The following TM9SF4 variants were observed in gnomAD, a reference collection of about 807,000 sequenced individuals.
TM9SF4 encodes the protein dinucleotide oxidase disulfide thiol exchanger 3 superfamily member 4.
TM9SF4 carries 26 observed loss-of-function variants against 90.4 expected under a neutral mutation model. The ratio of observed to expected loss-of-function variants is 0.29; its 90% CI spans 0.21 to 0.40. The LOEUF (loss-of-function observed/expected upper bound fraction) is 0.40, where lower values mean the gene tolerates loss of function less well. Among genes scored for constraint, TM9SF4 ranks in the 10% least tolerant of loss-of-function variants. TM9SF4 has a pLI of 1.00. For missense variants in TM9SF4, 549 were observed against 834.8 expected, an observed-to-expected ratio of 0.66 and a Z score of 4.22; for synonymous variants, 293 against 315.4, an observed-to-expected ratio of 0.93 and a Z score of 0.75.
At chr20:32,126,207 G>A (rs1175574417) in intron 1 of TM9SF4, among the ~76,000 whole-genome samples, 1 of 151,814 alleles carries the variant, frequency 6.6e-6, no homozygotes, top group Non-Finnish European at 1.5e-5. Flanking sequence ...CCCAACACTT[G>A]CTACTCATAG....
At position 32,167,195 on chromosome 20, in the gene TM9SF4, T is replaced by C. The variant is rs1333103046; in HGVS notation, c.*1751T>C. On this transcript the variant is annotated 3_prime_UTR_variant, in exon 18 of 18. Transcript: ENST00000398022. ...AAATCATTATCATTATTATTTTTAA[T>C]TAAAAAAATGCCTGTATGCCTTTTT... is the stretch of plus-strand genomic sequence containing the variant. 6.6e-6 allele frequency: 1 copy of C among 152,216 alleles called. No individual in the cohort carries two copies. The highest frequency in any genetic ancestry group is 2.4e-5 in the African/African-American group (1 of 41,444). The allele number at this position is 152,216 out of a possible 1,614,324, so 9.4% of individuals were successfully genotyped here. A position where few individuals can be genotyped will look rare whatever the true frequency, so the allele number is the denominator to read the frequency against.
chr20:32,158,317 G>A (rs2046961105), intron 14 of TM9SF4, 134 bp from the exon 15 acceptor site: 1 of 910,796 alleles, frequency 1.1e-6, no homozygotes, highest in African/African-American at 1.7e-5. Context: ...GATTATAATA[G>A]TACAGAAATA....
intron 1 of TM9SF4, among the ~76,000 whole-genome samples, chr20:32,110,921 G>A (rs905174467): frequency 6.6e-6 from 1 of 152,196 alleles, no homozygotes; most frequent in Non-Finnish European, 1.5e-5. Flanking sequence ...CCTGCATACT[G>A]CCTCCTCAGC....
Position 32,122,386 on chromosome 20 carries a change from G to A in TM9SF4, c.16-10627G>A, listed in dbSNP as rs1196871246. 1.3e-3 allele frequency among the ~76,000 whole-genome samples: 191 copies of A among 148,832 alleles called. 1 individual carries two copies. The highest frequency in any genetic ancestry group is 4.2e-3 in the African/African-American group (170 of 40,464). On this transcript the variant is annotated intron_variant, in intron 1 of 17. Transcript: ENST00000398022. ...TTCCCAGACGGGGTGGCTGCCGGGCGGAGAGGCTCCTCACTTCTCAGACGG... is the reference window on the plus strand; with the variant it reads ...TTCCCAGACGGGGTGGCTGCCGGGCAGAGAGGCTCCTCACTTCTCAGACGG...
At chr20:32,146,968 A>C in intron 9 of TM9SF4, 113 bp downstream of exon 9, 2 of 1,033,788 alleles carry the variant, frequency 1.9e-6, no homozygotes, top group Non-Finnish European at 2.8e-6. Context: ...AAAATACTAA[A>C]ACAGTTTAGT....
intron 12 of TM9SF4, among the ~76,000 whole-genome samples, chr20:32,154,450 G>T (rs1047461786): frequency 2.0e-5 from 3 of 151,028 alleles, no homozygotes; most frequent in African/African-American, 7.3e-5. Context: ...GGTAGTTAAC[G>T]TGTTCTTTTT....
At chr20:32,133,153 C>T in intron 2 of TM9SF4, 27 bp downstream of exon 2, 1 of 1,606,400 alleles carries the variant, frequency 6.2e-7, no homozygotes, top group South Asian at 1.1e-5. Flanking sequence ...ATTTTTGGAG[C>T]CTCTGTGCTA....
intron 2 of TM9SF4, among the ~76,000 whole-genome samples, chr20:32,133,546 A>G (rs1458957588): frequency 2.0e-5 from 3 of 152,088 alleles, no homozygotes; most frequent in Non-Finnish European, 4.4e-5. Flanking sequence ...TATTGTTCAT[A>G]CATTGTGAAC....
chr20:32,162,518 C>G (rs1490340421), intron 17 of TM9SF4, among the ~76,000 whole-genome samples: 1 of 152,238 alleles, frequency 6.6e-6, no homozygotes, highest in Non-Finnish European at 1.5e-5. Flanking sequence ...TGCTTTCACA[C>G]TACAATGGCA....
At chr20:32,109,815 A>G (rs962245024) in intron 1 of TM9SF4, 60 bp downstream of exon 1, 8 of 1,550,820 alleles carry the variant, frequency 5.2e-6, no homozygotes, top group Non-Finnish European at 7.0e-6. Flanking sequence ...GTATCCCAGG[A>G]TCTTCCAGCA....
chr20:32,121,893 C>G (rs1470338243), intron 1 of TM9SF4, among the ~76,000 whole-genome samples: 2 of 147,628 alleles, frequency 1.4e-5, no homozygotes, highest in Non-Finnish European at 1.5e-5. Flanking sequence ...GACCCCCCCA[C>G]CTCCCTCCCG....
intron 2 of TM9SF4, among the ~76,000 whole-genome samples, chr20:32,134,140 A>G (rs904655965): frequency 2.0e-5 from 3 of 152,058 alleles, no homozygotes; most frequent in African/African-American, 7.2e-5. Context: ...TAACCACTGC[A>G]GTACCTTCTT....
At chr20:32,115,480 T>G (rs1346860809) in intron 1 of TM9SF4, among the ~76,000 whole-genome samples, 2 of 152,182 alleles carry the variant, frequency 1.3e-5, no homozygotes, top group Non-Finnish European at 2.9e-5. Flanking sequence ...TTGCTGACAC[T>G]AGAGTTTCCC....
intron 1 of TM9SF4, among the ~76,000 whole-genome samples, chr20:32,131,481 A>AGTAT (rs2046510983): frequency 6.8e-6 from 1 of 147,556 alleles, no homozygotes; most frequent in African/African-American, 2.5e-5. Flanking sequence ...GAGTCATCAG[A>AGTAT]GTGTGTGTGT....
At chr20:32,146,886 T>C in intron 9 of TM9SF4, 31 bp downstream of exon 9, 1 of 1,606,528 alleles carries the variant, frequency 6.2e-7, no homozygotes, top group Admixed American at 1.7e-5. Flanking sequence ...AGGGATGAAG[T>C]TGGATGGGGA....
chr20:32,115,955 G>A (rs1398827482), intron 1 of TM9SF4, among the ~76,000 whole-genome samples: 4 of 151,776 alleles, frequency 2.6e-5, no homozygotes, highest in Non-Finnish European at 5.9e-5. Context: ...CCAAGTAGCT[G>A]GGACTACAGG....
Position 32,150,857 on chromosome 20 carries a change from G to A in TM9SF4, c.1227G>A (p.Trp409Ter). The A allele has an allele frequency of 6.2e-7, 1 of 1,614,190 alleles. No homozygotes were observed. Among genetic ancestry groups the A allele is most frequent in the Non-Finnish European group, 8.5e-7 (1 of 1,180,044 alleles). Residue 409 changes from tryptophan to a stop codon, truncating the protein, a stop_gained, in exon 12 of 18, where the codon TGG becomes TGA. Transcript: ENST00000398022. LOFTEE classifies it high-confidence loss of function. ...ACCGCACTTTAAAAGGCCATCGGTG[G>A]AAGAAAGGAGCCTTCTGTGTGAGTG... ...RLYRTLKGHR[W>*]KKGAFCTATL...
rs896564649 is a variant in TM9SF4, at chr20:32,167,176, T to C, written c.*1732T>C. 6 of 152,158 alleles carry C rather than the reference T, an allele frequency of 3.9e-5. No individual in the cohort carries two copies. The highest frequency in any genetic ancestry group is 8.8e-5 in the Non-Finnish European group (6 of 68,024). The allele number at this position is 152,158 out of a possible 1,614,324, so 9.4% of individuals were successfully genotyped here. A position where few individuals can be genotyped will look rare whatever the true frequency, so the allele number is the denominator to read the frequency against. ...TCAATTTTTCTGACTTTTTAAATCATTATCATTATTATTTTTAATTAAAAA... is the reference window on the plus strand; with the variant it reads ...TCAATTTTTCTGACTTTTTAAATCACTATCATTATTATTTTTAATTAAAAA... On this transcript the variant is annotated 3_prime_UTR_variant, in exon 18 of 18. Coordinates refer to ENST00000398022, the MANE Select transcript of TM9SF4 (RefSeq NM_014742.4).
Position 32,141,816 on chromosome 20 carries a change from G to C in TM9SF4, c.449G>C (p.Arg150Pro), listed in dbSNP as rs117822199. 1 of 1,614,088 alleles carries C rather than the reference G, an allele frequency of 6.2e-7. No homozygotes were observed. Among genetic ancestry groups the C allele is most frequent in the East Asian group, 2.2e-5 (1 of 44,876 alleles). Residue 150 changes from arginine (R) to proline (P), a missense_variant, in exon 5 of 18, where the codon CGA (arginine) becomes CCA (proline). This residue lies in a region of TM9SF4 where 495 missense variants were observed against 711.7 expected (regional missense o/e 0.70). Coordinates refer to ENST00000398022, the MANE Select transcript of TM9SF4 (RefSeq NM_014742.4). Reference protein sequence around the residue: ...VATRLELYSNRDSDDKKKEKD... With the variant: ...VATRLELYSNPDSDDKKKEKD... ...ACCCGGCTGGAGCTCTACTCCAACC[G>C]AGACAGCGATGACAAGAAGAAGGAA...
Sources: allele counts gnomAD v4.1 joint callset (sites outside exome capture counted in the v4.1 genomes callset), GRCh38; gene constraint gnomAD v4.1.1; regional missense constraint gnomAD v4.1.1; transcripts MANE v1.5; gene names NCBI Gene and HGNC (gene_info 2026-07-23, HGNC 2026-07-21).